The following CMTM7 variants were observed in gnomAD, a reference collection of about 807,000 sequenced individuals.
The protein encoded by CMTM7 is CKLF like MARVEL transmembrane domain containing 7, also known as CKLF-like MARVEL transmembrane domain-containing protein 7.
A neutral mutation model predicts 19.3 loss-of-function variants in CMTM7; 7 were observed. That is an observed-to-expected ratio of 0.36 (90% CI 0.21 to 0.68). The LOEUF (loss-of-function observed/expected upper bound fraction) is 0.68, where lower values mean the gene tolerates loss of function less well. CMTM7 is among the 30% of genes least tolerant of loss of function. The pLI, the probability that CMTM7 is intolerant of heterozygous loss-of-function variation, is 0.60. For synonymous variants in CMTM7, 87 were observed against 99.3 expected, an observed-to-expected ratio of 0.88 and a Z score of 0.74; for missense variants, 193 against 232.6, an observed-to-expected ratio of 0.83 and a Z score of 1.11.
In CMTM7 at chr3:32,449,381, T is replaced by TG; in HGVS notation, c.334-72dup. ...TCTCTCCCTTTCTTTTCATGTCTTC[T>TG]GATGCCCAGTTGCTCTTCCCGGACC... On this transcript the variant is annotated intron_variant, in intron 2 of 4. Coordinates refer to ENST00000334983, the MANE Select transcript of CMTM7 (RefSeq NM_138410.4). The surrounding 1 kb of genome is among the most constrained non-coding windows in gnomAD (Gnocchi z 4.5). 2.0e-6 allele frequency: 2 copies of TG among 982,154 alleles called. No homozygotes were observed. Among genetic ancestry groups the TG allele is most frequent in the Non-Finnish European group, 3.3e-6 (2 of 602,982 alleles). The allele number at this position is 982,154 out of a possible 1,614,324, so 60.8% of individuals were successfully genotyped here.
intron 1 of CMTM7, among the ~76,000 whole-genome samples, chr3:32,424,953 T>G (rs1319269344): frequency 1.3e-5 from 2 of 152,172 alleles, no homozygotes; most frequent in Non-Finnish European, 2.9e-5. Context: ...GAAACCTTTA[T>G]AGTTAGAGCT....
At chr3:32,450,227 G>A (rs1420781506) in intron 3 of CMTM7, among the ~76,000 whole-genome samples, 1 of 152,152 alleles carries the variant, frequency 6.6e-6, no homozygotes, top group African/African-American at 2.4e-5. Flanking sequence ...GGCCAACACT[G>A]ATTTGCTTCA....
chr3:32,411,703 A>G (rs1696177613), intron 1 of CMTM7, among the ~76,000 whole-genome samples: 1 of 152,204 alleles, frequency 6.6e-6, no homozygotes, highest in Non-Finnish European at 1.5e-5. Context: ...CCTATGACAC[A>G]CGTTTTGATG....
intron 1 of CMTM7, among the ~76,000 whole-genome samples, chr3:32,402,142 C>A (rs1308291397): frequency 1.3e-5 from 2 of 152,132 alleles, no homozygotes; most frequent in African/African-American, 4.8e-5. Context: ...AAAAAGTCTT[C>A]AGTCTGTGGC....
chr3:32,392,978 T>C (rs1017394458), intron 1 of CMTM7, among the ~76,000 whole-genome samples: 9 of 152,140 alleles, frequency 5.9e-5, no homozygotes, highest in African/African-American at 2.2e-4. Flanking sequence ...GTTGGGCTGT[T>C]TGTGAGTCTC....
At chr3:32,432,749 G>A (rs372338651) in intron 1 of CMTM7, among the ~76,000 whole-genome samples, 5 of 152,200 alleles carry the variant, frequency 3.3e-5, no homozygotes, top group African/African-American at 7.2e-5. Flanking sequence ...CACGGTGAGC[G>A]TACAATCAGG....
In CMTM7 at chr3:32,421,528, T is replaced by A. The variant is rs553331036; in HGVS notation, c.160-20312T>A. On this transcript the variant is annotated intron_variant, in intron 1 of 4. Coordinates refer to ENST00000334983, the MANE Select transcript of CMTM7 (RefSeq NM_138410.4). ...TTGTGGAGTCCACACCAGGGCCATGTCTGCTCTTCATACGGGACATGCCTG... is the reference window on the plus strand; with the variant it reads ...TTGTGGAGTCCACACCAGGGCCATGACTGCTCTTCATACGGGACATGCCTG... 5.3e-5 allele frequency among the ~76,000 whole-genome samples: 8 copies of A among 152,360 alleles called. No homozygotes were observed. In the South Asian group the frequency reaches 1.7e-3, roughly 32 times the overall value.
At chr3:32,392,149 T>C (rs1249712598) in intron 1 of CMTM7, 84 bp downstream of exon 1, 33 of 1,068,870 alleles carry the variant, frequency 3.1e-5, no homozygotes, top group Admixed American at 4.3e-5. Flanking sequence ...GCCGGGCGTC[T>C]GGACCCGGCC....
intron 1 of CMTM7, among the ~76,000 whole-genome samples, chr3:32,428,761 A>G (rs551225246): frequency 3.8e-4 from 58 of 152,262 alleles, no homozygotes; most frequent in African/African-American, 1.3e-3. Context: ...TTTCCAGCCA[A>G]TCCTGATCGT....
At chr3:32,441,639 G>A (rs1696677138) in intron 1 of CMTM7, among the ~76,000 whole-genome samples, 1 of 152,226 alleles carries the variant, frequency 6.6e-6, no homozygotes, top group Non-Finnish European at 1.5e-5. Context: ...AGTGTTCACA[G>A]ACAGTAGTTT....
rs793332 is a variant in CMTM7, at chr3:32,426,141, G to A, written c.160-15699G>A. Among the ~76,000 whole-genome samples the A allele has an allele frequency of 5.1e-4, 78 of 152,022 alleles. 1 individual carries two copies. In the South Asian group the frequency reaches 0.014, roughly 27 times the overall value. ...GCCTGGGCAACAGGAGTGAAACTCC[G>A]TCTCAAAAAAAACAAAAAAACAAAA... On this transcript the variant is annotated intron_variant, in intron 1 of 4. Coordinates refer to ENST00000334983, the MANE Select transcript of CMTM7 (RefSeq NM_138410.4).
chr3:32,398,335 C>T (rs1695949542), intron 1 of CMTM7, among the ~76,000 whole-genome samples: 1 of 152,120 alleles, frequency 6.6e-6, no homozygotes, highest in African/African-American at 2.4e-5. Flanking sequence ...GAATGTATTT[C>T]ACAAGCGGCA....
In CMTM7 at chr3:32,449,318, C is replaced by G; in HGVS notation, c.334-136C>G. On this transcript the variant is annotated intron_variant, in intron 2 of 4. Coordinates refer to ENST00000334983, the MANE Select transcript of CMTM7 (RefSeq NM_138410.4). The surrounding 1 kb of genome is among the most constrained non-coding windows in gnomAD (Gnocchi z 4.5). ...GCTGCCTGCGAGCGGCTCTGCTCAT[C>G]CCATTTGCGTGTTGCAAGGGAGAAG... 1 of 728,234 alleles carries G rather than the reference C, an allele frequency of 1.4e-6. No individual in the cohort carries two copies. The allele number at this position is 728,234 out of a possible 1,614,324, so 45.1% of individuals were successfully genotyped here. A position where few individuals can be genotyped will look rare whatever the true frequency, so the allele number is the denominator to read the frequency against.
chr3:32,424,251 C>T (rs1696391852), intron 1 of CMTM7, among the ~76,000 whole-genome samples: 2 of 152,168 alleles, frequency 1.3e-5, no homozygotes, highest in Non-Finnish European at 2.9e-5. Context: ...CTAAGCCTCT[C>T]ATAACATGGT....
At chr3:32,452,591 T>G in intron 4 of CMTM7, 118 bp downstream of exon 4, 2 of 1,027,446 alleles carry the variant, frequency 1.9e-6, no homozygotes, top group East Asian at 2.4e-5. Flanking sequence ...AAGGGGACTT[T>G]AGAAGTAGTA....
chr3:32,452,869 G>T (rs1696857212), intron 4 of CMTM7, among the ~76,000 whole-genome samples: 1 of 143,450 alleles, frequency 7.0e-6, no homozygotes, highest in Admixed American at 7.1e-5. Context: ...TCCAACCTCA[G>T]CCTCCTGAGT....
intron 1 of CMTM7, among the ~76,000 whole-genome samples, chr3:32,423,994 C>T (rs1696384845): frequency 6.6e-6 from 1 of 152,196 alleles, no homozygotes; most frequent in Non-Finnish European, 1.5e-5. Flanking sequence ...GTGCTTGTTC[C>T]ATAACGGATT....
At chr3:32,392,491 C>G (rs906147669) in intron 1 of CMTM7, among the ~76,000 whole-genome samples, 1 of 152,280 alleles carries the variant, frequency 6.6e-6, no homozygotes, top group Admixed American at 6.5e-5. Flanking sequence ...CGACCTCTTC[C>G]CCGTCCACGG....
At chr3:32,440,300 T>C (rs1200857655) in intron 1 of CMTM7, among the ~76,000 whole-genome samples, 4 of 149,102 alleles carry the variant, frequency 2.7e-5, no homozygotes, top group Non-Finnish European at 4.4e-5. Flanking sequence ...CCAGCTACTC[T>C]GGAGGCTGAG....
Sources: gnomAD v4.1 joint callset for allele counts (sites outside exome capture counted in the v4.1 genomes callset) on GRCh38, gnomAD v4.1.1 for gene constraint, Gnocchi (gnomAD v3.1) non-coding constraint, MANE v1.5 for transcripts, NCBI Gene and HGNC (gene_info 2026-07-23, HGNC 2026-07-21) for gene names.